IDE: variants seen among roughly 807,000 people sequenced by gnomAD.
The protein encoded by IDE is insulin-degrading enzyme.
A neutral mutation model predicts 133.2 loss-of-function variants in IDE; 58 were observed. The ratio of observed to expected loss-of-function variants is 0.44; its 90% CI spans 0.35 to 0.54. The LOEUF (loss-of-function observed/expected upper bound fraction) is 0.54, where lower values mean the gene tolerates loss of function less well. IDE is among the 20% of genes least tolerant of loss of function. The pLI is 0.00. For missense variants in IDE, 981 were observed against 1,234.0 expected, an observed-to-expected ratio of 0.79 and a Z score of 3.07; for synonymous variants, 396 against 421.3, an observed-to-expected ratio of 0.94 and a Z score of 0.73.
At chr10:92,472,426 T>C (rs186578370) in intron 17 of IDE, among the ~76,000 whole-genome samples, 38 of 152,344 alleles carry the variant, frequency 2.5e-4, no homozygotes, top group Middle Eastern at 3.4e-3. Flanking sequence ...ATAATCATTT[T>C]GCAAAGAAAA....
At chr10:92,537,948 C>T (rs778348017) in intron 1 of IDE, among the ~76,000 whole-genome samples, 5 of 152,026 alleles carry the variant, frequency 3.3e-5, no homozygotes, top group Non-Finnish European at 1.5e-5. Flanking sequence ...CACTGCAGGC[C>T]TCAACCTCCT....
chr10:92,529,055 C>T (rs912363679), intron 4 of IDE, among the ~76,000 whole-genome samples: 1 of 151,902 alleles, frequency 6.6e-6, no homozygotes, highest in Non-Finnish European at 1.5e-5. Flanking sequence ...CCAGCCTGGA[C>T]GACAGAGCAA....
intron 4 of IDE, among the ~76,000 whole-genome samples, chr10:92,518,511 C>T (rs572938556): frequency 1.3e-5 from 2 of 152,234 alleles, no homozygotes; most frequent in Middle Eastern, 3.4e-3. Flanking sequence ...TTGAATCAAC[C>T]GCTACAGGAA....
rs1240611529 is a variant in IDE, at chr10:92,563,384, G to A, written c.98+10538C>T. ...GGAGAATCACTTGAATCTGGGATGC[G>A]GAGTTTGCAGTGAGCCAAGATTGCA... On this transcript the variant is annotated intron_variant, in intron 1 of 24. Coordinates refer to ENST00000265986, the MANE Select transcript of IDE (RefSeq NM_004969.4). 4.0e-5 allele frequency among the ~76,000 whole-genome samples: 6 copies of A among 151,816 alleles called. No individual in the cohort carries two copies. The South Asian group carries it at 6.2e-4, about 16-fold the overall frequency.
At chr10:92,546,007 A>G (rs1842520005) in intron 1 of IDE, among the ~76,000 whole-genome samples, 1 of 152,244 alleles carries the variant, frequency 6.6e-6, no homozygotes, top group African/African-American at 2.4e-5. Flanking sequence ...AAATGATCAA[A>G]TGACAATCAA....
chr10:92,480,823 G>T, intron 14 of IDE: 1 of 342,078 alleles, frequency 2.9e-6, no homozygotes, highest in Non-Finnish European at 4.1e-6. Context: ...CGAACTCCTA[G>T]GCTCAAGCGA....
chr10:92,480,961 A>G, intron 14 of IDE: 1 of 899,352 alleles, frequency 1.1e-6, no homozygotes, highest in Non-Finnish European at 1.3e-6. Flanking sequence ...AGTCACTTAG[A>G]GAATTAAAAT....
intron 21 of IDE, among the ~76,000 whole-genome samples, chr10:92,461,877 G>A (rs1255708775): frequency 3.3e-5 from 5 of 151,668 alleles, no homozygotes; most frequent in East Asian, 3.9e-4. Context: ...GGGTTTCACC[G>A]TGTTAGCCAG....
chr10:92,527,183 T>C (rs769042279), intron 4 of IDE, among the ~76,000 whole-genome samples: 4 of 152,200 alleles, frequency 2.6e-5, no homozygotes, highest in East Asian at 1.9e-4. Flanking sequence ...CTGTAGTCTA[T>C]AGAAAGTCTA....
intron 13 of IDE, among the ~76,000 whole-genome samples, chr10:92,485,711 AG>A (rs1322796572): frequency 6.6e-6 from 1 of 152,064 alleles, no homozygotes; most frequent in Non-Finnish European, 1.5e-5. Flanking sequence ...GAGAGGCTGA[AG>A]GGGGAGGATC....
intron 5 of IDE, among the ~76,000 whole-genome samples, chr10:92,514,604 T>TA (rs919668290): frequency 1.3e-5 from 2 of 152,100 alleles, no homozygotes; most frequent in African/African-American, 4.8e-5. Flanking sequence ...CCCACTAATT[T>TA]AAAAAAATTT....
intron 13 of IDE, among the ~76,000 whole-genome samples, chr10:92,483,735 T>G (rs1846763318): frequency 6.6e-6 from 1 of 152,200 alleles, no homozygotes; most frequent in African/African-American, 2.4e-5. Flanking sequence ...CTGCTGAGAT[T>G]CACAGCCTTG....
chr10:92,522,656 A>G (rs1251855558), intron 4 of IDE, among the ~76,000 whole-genome samples: 1 of 152,182 alleles, frequency 6.6e-6, no homozygotes, highest in Non-Finnish European at 1.5e-5. Context: ...TAAAACATGC[A>G]AAATAGAATA....
At chr10:92,548,446 TCA>T (rs1432112281) in intron 1 of IDE, among the ~76,000 whole-genome samples, 1 of 144,952 alleles carries the variant, frequency 6.9e-6, no homozygotes, top group Non-Finnish European at 1.5e-5. Context: ...TATAGTTGCA[TCA>T]CACTCAGACA....
intron 4 of IDE, among the ~76,000 whole-genome samples, chr10:92,521,799 C>T (rs1277942096): frequency 1.3e-5 from 2 of 151,878 alleles, no homozygotes; most frequent in South Asian, 2.1e-4. Flanking sequence ...TTTATAAGAA[C>T]ACTAGAAATT....
intron 1 of IDE, among the ~76,000 whole-genome samples, chr10:92,562,291 T>C (rs1308580852): frequency 6.6e-6 from 1 of 152,024 alleles, no homozygotes; most frequent in Non-Finnish European, 1.5e-5. Context: ...AAGTGAGGAG[T>C]TAGTGATATG....
chr10:92,482,008 G>A (rs1449671693), intron 14 of IDE, among the ~76,000 whole-genome samples: 1 of 152,170 alleles, frequency 6.6e-6, no homozygotes, highest in Non-Finnish European at 1.5e-5. Flanking sequence ...CATCTTTGGT[G>A]TAAACAATAA....
intron 1 of IDE, among the ~76,000 whole-genome samples, chr10:92,555,142 C>T (rs1842950059): frequency 6.6e-6 from 1 of 152,192 alleles, no homozygotes; most frequent in Non-Finnish European, 1.5e-5. Flanking sequence ...AGGATGCCCA[C>T]TCTCATTTCT....
intron 9 of IDE, among the ~76,000 whole-genome samples, chr10:92,506,785 C>T (rs920000019): frequency 1.3e-5 from 2 of 151,964 alleles, no homozygotes; most frequent in East Asian, 3.8e-4. Flanking sequence ...ATAACAAATA[C>T]AGGATATGGC....
Sources: gnomAD v4.1 joint callset for allele counts (sites outside exome capture counted in the v4.1 genomes callset) on GRCh38, gnomAD v4.1.1 for gene constraint, MANE v1.5 for transcripts, NCBI Gene and HGNC (gene_info 2026-07-23, HGNC 2026-07-21) for gene names.